Variants in TNNI3K observed in about 807,000 individuals in gnomAD.
TNNI3K encodes the protein serine/threonine-protein kinase TNNI3K.
Under a neutral mutation model 114.5 loss-of-function variants are expected in TNNI3K, and 140 were observed. The ratio of observed to expected loss-of-function variants is 1.22; its 90% confidence interval spans 1.07 to 1.41. The LOEUF (loss-of-function observed/expected upper bound fraction) is 1.41. TNNI3K is among the 40% of genes most tolerant of loss of function. The pLI is 0.00. For missense variants in TNNI3K, 1,125 were observed against 1,007.6 expected (o/e 1.12, Z -1.58); for synonymous variants, 347 against 347.5 (o/e 1.00, Z 0.02).
In TNNI3K at chr1:74,235,464, A is replaced by G; in HGVS notation, c.13A>G (p.Lys5Glu). 1 of 1,518,410 alleles carries G rather than the reference A, an allele frequency of 6.6e-7. No homozygotes were observed. Among genetic ancestry groups the G allele is most frequent in the Non-Finnish European group, 9.0e-7 (1 of 1,109,244 alleles). The allele number at this position is 1,518,410 out of a possible 1,614,324, so 94.1% of individuals were successfully genotyped here. Residue 5 changes from lysine to glutamate, a missense_variant, in exon 1 of 25, where the codon AAA (lysine) becomes GAA (glutamate). Lys to Glu is a moderately conservative substitution (Grantham distance 56). Coordinates refer to ENST00000326637, the MANE Select transcript of TNNI3K (RefSeq NM_015978.3). Reference protein sequence around the residue: MGNYKSRPTQTCTDE... With the variant: MGNYESRPTQTCTDE... Reference sequence around the variant, plus strand: ...AAACTTATAATAAATGGGAAATTATAAATCTAGACCAACCCAAACTTGTAC... The same window carrying G: ...AAACTTATAATAAATGGGAAATTATGAATCTAGACCAACCCAAACTTGTAC...
In TNNI3K at chr1:74,451,215, G is replaced by A. The variant is rs144290440; in HGVS notation, c.2011+11593G>A. 7.7e-3 allele frequency among the ~76,000 whole-genome samples: 1,177 copies of A among 152,194 alleles called. 18 individuals carry two copies. Among genetic ancestry groups the A allele is most frequent in the African/African-American group, 0.027 (1,142 of 41,532 alleles). On this transcript the variant is annotated intron_variant, in intron 20 of 24. Transcript: ENST00000326637. ...AAACAATGAGAACACATGGACACAG[G>A]GAGGGGAACAATGCATACTGGGGCC... is the stretch of plus-strand genomic sequence containing the variant.
rs148563648 is a variant in TNNI3K at position 74,529,195 on chromosome 1, T to C, written c.2352-11039T>C. Among the ~76,000 whole-genome samples the C allele has an allele frequency of 6.1e-3, 934 of 152,250 alleles. 11 individuals carry two copies. The highest frequency in any genetic ancestry group is 0.02 in the African/African-American group (849 of 41,542). Reference sequence around the variant, plus strand: ...TTAATTACAAAGAGAAAAAGAGTAATTTTATAGTGTAGAAGCCTATCAGAC... The same window carrying C: ...TTAATTACAAAGAGAAAAAGAGTAACTTTATAGTGTAGAAGCCTATCAGAC... On this transcript the variant is annotated intron_variant, in intron 23 of 24. Coordinates refer to ENST00000326637, the MANE Select transcript of TNNI3K (RefSeq NM_015978.3).
chr1:74,475,116 CCACACACACACACACA>C (rs3058791), intron 21 of TNNI3K, among the ~76,000 whole-genome samples: 11 of 135,994 alleles, frequency 8.1e-5, no homozygotes, highest in East Asian at 2.3e-4. Context: ...CCACCTCAGC[CCACACACACACACACA>C]CACACACACA....
chr1:74,275,319 G>C (rs545347921), intron 5 of TNNI3K, among the ~76,000 whole-genome samples: 1 of 151,986 alleles, frequency 6.6e-6, no homozygotes, highest in African/African-American at 2.4e-5. Flanking sequence ...TAAATGAGAC[G>C]AAAAAGCAGA....
chr1:74,297,535 G>GTGTGTGTGTC lies in TNNI3K; in HGVS notation c.444+25836_444+25837insCTGTGTGTGT, dbSNP rs1227570231. On this transcript the variant is annotated intron_variant, in intron 5 of 24. Transcript: ENST00000326637. ...AGTGTGTGTGTGCGTGTGTGTGTGT[G>GTGTGTGTGTC]TGTGTGTGTGTGTGTGTGTATAAAT... Among the ~76,000 whole-genome samples, 67 of 150,398 alleles carry GTGTGTGTGTC rather than the reference G, an allele frequency of 4.5e-4. 1 individual carries two copies. Among genetic ancestry groups the GTGTGTGTGTC allele is most frequent in the Non-Finnish European group, 1.3e-4 (9 of 67,230 alleles).
At chr1:74,343,259 A>G in intron 9 of TNNI3K, 80 bp downstream of exon 9, 1 of 1,422,134 alleles carries the variant, frequency 7.0e-7, no homozygotes. Context: ...ATAAAGCAAG[A>G]ACAAATAGTG....
chr1:74,456,190 G>A (rs888221483), intron 20 of TNNI3K, among the ~76,000 whole-genome samples: 1 of 152,166 alleles, frequency 6.6e-6, no homozygotes, highest in Non-Finnish European at 1.5e-5. Flanking sequence ...ATTGGTTTAG[G>A]GAGATTTTAA....
chr1:74,500,022 C>A (rs1669528453), intron 23 of TNNI3K, among the ~76,000 whole-genome samples: 1 of 151,528 alleles, frequency 6.6e-6, no homozygotes, highest in African/African-American at 2.4e-5. Flanking sequence ...TATTTCTATT[C>A]TTTGGTGAGT....
At chr1:74,352,840 G>A (rs1006478634) in intron 9 of TNNI3K, among the ~76,000 whole-genome samples, 1 of 152,154 alleles carries the variant, frequency 6.6e-6, no homozygotes, top group South Asian at 2.1e-4. Context: ...GGGTGGGAGT[G>A]ACCCAATTTT....
intron 24 of TNNI3K, among the ~76,000 whole-genome samples, chr1:74,540,710 G>A (rs915211834): frequency 4.6e-5 from 7 of 152,020 alleles, no homozygotes; most frequent in Non-Finnish European, 7.4e-5. Flanking sequence ...GTGTGGGTAG[G>A]GAGAGGAAAA....
chr1:74,460,102 GT>G (rs527378939), intron 20 of TNNI3K, among the ~76,000 whole-genome samples: 30 of 150,380 alleles, frequency 2.0e-4, no homozygotes, highest in Non-Finnish European at 3.1e-4. Context: ...TTGAGACGGA[GT>G]CTTGCTCTGT....
chr1:74,483,440 C>T (rs887749320), intron 21 of TNNI3K: 3 of 673,444 alleles, frequency 4.5e-6, no homozygotes, highest in African/African-American at 3.5e-5. Flanking sequence ...TATTTCTGTA[C>T]ATACAGGTCA....
chr1:74,444,718 C>T (rs565209175), intron 20 of TNNI3K, among the ~76,000 whole-genome samples: 35 of 151,700 alleles, frequency 2.3e-4, no homozygotes, highest in Non-Finnish European at 3.8e-4. Flanking sequence ...GCCCATATAG[C>T]CAAGACAATC....
chr1:74,389,453 A>T (rs1663649645), intron 17 of TNNI3K, among the ~76,000 whole-genome samples: 1 of 152,290 alleles, frequency 6.6e-6, no homozygotes, highest in Middle Eastern at 3.4e-3. Context: ...AATATGGTAG[A>T]GGGCATTTGG....
intron 3 of TNNI3K, 50 bp from the exon 4 acceptor site, chr1:74,250,622 C>T (rs778408835): frequency 7.1e-6 from 11 of 1,557,616 alleles, no homozygotes; most frequent in Non-Finnish European, 8.7e-6. Flanking sequence ...GAGTCTCAAA[C>T]TCACCCCATC....
intron 17 of TNNI3K, among the ~76,000 whole-genome samples, chr1:74,402,458 CG>C (rs1222443044): frequency 6.6e-6 from 1 of 152,120 alleles, no homozygotes; most frequent in Non-Finnish European, 1.5e-5. Context: ...TGGAATTACA[CG>C]GAAGTCTTGA....
intron 17 of TNNI3K, among the ~76,000 whole-genome samples, chr1:74,386,842 C>T (rs1663506314): frequency 6.6e-6 from 1 of 152,142 alleles, no homozygotes; most frequent in African/African-American, 2.4e-5. Flanking sequence ...TAAATCATCC[C>T]TTGATGACTA....
Position 74,436,479 on chromosome 1 carries a change from A to C in TNNI3K, c.1831A>C (p.Arg611=), listed in dbSNP as rs373523561. The stretch of plus-strand genomic sequence containing the variant: ...TTATTTTCTCTTTCCCTCAGAATCA[A>C]GATTTCTACAGTCTCTGGATGAAGA... ...HAVVADFGES[R]FLQSLDEDNM... The change falls in exon 19 of 25, where the codon AGA becomes CGA. Residue 611 remains arginine (R), a synonymous_variant. Coordinates refer to ENST00000326637, the MANE Select transcript of TNNI3K (RefSeq NM_015978.3). 45 of 1,578,866 alleles carry C rather than the reference A, an allele frequency of 2.9e-5. No homozygotes were observed. Among genetic ancestry groups the C allele is most frequent in the Non-Finnish European group, 3.7e-5 (43 of 1,170,774 alleles).
In TNNI3K at chr1:74,410,412, C is replaced by T. The variant is rs117720588; in HGVS notation, c.1773-25668C>T. On this transcript the variant is annotated intron_variant, in intron 17 of 24. Coordinates refer to ENST00000326637, the MANE Select transcript of TNNI3K (RefSeq NM_015978.3). ...CTGATTCTTAATCCAGTGCACTTTC[C>T]ACTACTCCAGGCTCCCTCAATATAT... Among the ~76,000 whole-genome samples, 85 of 152,280 alleles carry T rather than the reference C, an allele frequency of 5.6e-4. 1 individual carries two copies. The East Asian group carries it at 0.014, about 26-fold the overall frequency.
Sources: gnomAD v4.1 joint callset for allele counts (sites outside exome capture counted in the v4.1 genomes callset) on GRCh38, gnomAD v4.1.1 for gene constraint, MANE v1.5 for transcripts, NCBI Gene and HGNC (gene_info 2026-07-23, HGNC 2026-07-21) for gene names.